The following UBR3 variants were observed in gnomAD, a reference collection of about 807,000 sequenced individuals.
UBR3 encodes the protein ubiquitin protein ligase E3 component n-recognin 3, also known as E3 ubiquitin-protein ligase UBR3.
UBR3 carries 85 observed loss-of-function variants against 243.2 expected under a neutral mutation model. The ratio of observed to expected loss-of-function variants is 0.35; its 90% confidence interval spans 0.29 to 0.42. The LOEUF is 0.42. Among genes scored for constraint, UBR3 ranks in the 10% least tolerant of loss-of-function variants. The pLI is 1.00. For synonymous variants in UBR3, 748 were observed against 799.8 expected, an observed-to-expected ratio of 0.94 and a Z score of 1.09; for missense variants, 1,686 against 2,300.8, an observed-to-expected ratio of 0.73 and a Z score of 5.47.
At chr2:169,875,713 GAATA>G (rs2083582152) in intron 2 of UBR3, 74 bp from the exon 3 acceptor site, 3 of 1,257,282 alleles carry the variant, frequency 2.4e-6, no homozygotes, top group Admixed American at 6.1e-5. Context: ...AATTTTAAAA[GAATA>G]AATACTGTTA....
At chr2:169,839,973 G>C (rs778935864) in intron 1 of UBR3, among the ~76,000 whole-genome samples, 1 of 152,288 alleles carries the variant, frequency 6.6e-6, no homozygotes, top group East Asian at 1.9e-4. Context: ...GGCAGAGTTA[G>C]GCCCACTGTC....
rs114701526 is a variant in UBR3 at position 170,064,457 on chromosome 2, T to C, written c.5019+3014T>C. On this transcript the variant is annotated intron_variant, in intron 35 of 38. Coordinates refer to ENST00000272793, the MANE Select transcript of UBR3 (RefSeq NM_172070.4). The stretch of plus-strand genomic sequence containing the variant: ...TTTCCACCCTAAAATTATAAATTTA[T>C]TTTGTATTTTCTTCTATTATTTTCA... Among the ~76,000 whole-genome samples, 241 of 152,178 alleles carry C rather than the reference T, an allele frequency of 1.6e-3. 1 individual carries two copies. Among genetic ancestry groups the C allele is most frequent in the Middle Eastern group, 6.8e-3 (2 of 294 alleles).
intron 32 of UBR3, among the ~76,000 whole-genome samples, chr2:170,045,614 A>C (rs1471313910): frequency 6.6e-6 from 1 of 152,196 alleles, no homozygotes; most frequent in East Asian, 1.9e-4. Flanking sequence ...TGAAGAAAGA[A>C]AATATCTCAG....
intron 22 of UBR3, 118 bp from the exon 23 acceptor site, chr2:169,949,486 TG>T: frequency 1.1e-6 from 1 of 920,632 alleles, no homozygotes. Context: ...GCAAATCTAT[TG>T]AATAAATCTT....
chr2:169,910,340 C>T (rs548368153), intron 10 of UBR3, among the ~76,000 whole-genome samples: 31 of 152,074 alleles, frequency 2.0e-4, no homozygotes, highest in African/African-American at 7.0e-4. Context: ...CCACGGAAGA[C>T]CGAGCCTCAG....
At chr2:170,044,168 G>A (rs1189645794) in intron 32 of UBR3, among the ~76,000 whole-genome samples, 1 of 151,924 alleles carries the variant, frequency 6.6e-6, no homozygotes, top group African/African-American at 2.4e-5. Flanking sequence ...GTCTTTATTG[G>A]GACAGTGTTA....
intron 38 of UBR3, 69 bp downstream of exon 38, chr2:170,080,753 C>T: frequency 2.0e-6 from 3 of 1,481,602 alleles, no homozygotes; most frequent in Middle Eastern, 1.8e-4. Flanking sequence ...TATGCTATTC[C>T]TGGCTTTGTA....
rs2085923855 is a variant in UBR3, at chr2:169,926,703, T to C, written c.2163T>C (p.Ser721=). The C allele has an allele frequency of 6.5e-7, 1 of 1,549,476 alleles. No individual in the cohort carries two copies. The highest frequency in any genetic ancestry group is 8.7e-7 in the Non-Finnish European group (1 of 1,146,268). Residue 721 remains serine, a synonymous_variant, in exon 15 of 39, where the codon TCT becomes TCC. Coordinates refer to ENST00000272793, the MANE Select transcript of UBR3 (RefSeq NM_172070.4). The part of the protein sequence containing the change: ...PDIYLLQVCA[S]RLDPDYFISS... Reference sequence around the variant, plus strand: ...GTTTTCTTTTAAAGGTTTGTGCTTCTAGACTTGACCCAGATTATTTTATTT... The same window carrying C: ...GTTTTCTTTTAAAGGTTTGTGCTTCCAGACTTGACCCAGATTATTTTATTT...
At chr2:169,964,242 A>C (rs1430862216) in intron 24 of UBR3, among the ~76,000 whole-genome samples, 1 of 152,164 alleles carries the variant, frequency 6.6e-6, no homozygotes, top group African/African-American at 2.4e-5. Context: ...AAGTTACTTA[A>C]GAGCAGTCCT....
intron 25 of UBR3, among the ~76,000 whole-genome samples, chr2:169,988,061 G>C (rs146407589): frequency 3.6e-4 from 55 of 152,314 alleles, no homozygotes; most frequent in Non-Finnish European, 6.6e-4. Context: ...GGACATTGAA[G>C]TAGAGCTGTC....
chr2:169,967,141 A>G (rs1013522334), intron 24 of UBR3, among the ~76,000 whole-genome samples: 1 of 152,182 alleles, frequency 6.6e-6, no homozygotes, highest in East Asian at 1.9e-4. Flanking sequence ...GAGGTTATAC[A>G]GTAGTAAGTG....
chr2:169,875,738 G>C, intron 2 of UBR3, 53 bp from the exon 3 acceptor site: 1 of 1,391,088 alleles, frequency 7.2e-7, no homozygotes, highest in Non-Finnish European at 9.5e-7. Flanking sequence ...TTTTTAGTAA[G>C]ATATTTTAAA....
intron 24 of UBR3, among the ~76,000 whole-genome samples, chr2:169,972,394 A>T: frequency 6.6e-6 from 1 of 152,120 alleles, no homozygotes; most frequent in Non-Finnish European, 1.5e-5. Context: ...AAAAGAGGGA[A>T]TCCTCCCTAA....
intron 11 of UBR3, among the ~76,000 whole-genome samples, chr2:169,923,297 C>G (rs1456071503): frequency 1.3e-5 from 2 of 152,176 alleles, no homozygotes; most frequent in African/African-American, 4.8e-5. Flanking sequence ...GGGATGTGGT[C>G]AGAGTCTTCT....
At chr2:170,077,577 CTTTCTCTTTCCTG>C in intron 36 of UBR3, 1 of 541,176 alleles carries the variant, frequency 1.8e-6, no homozygotes, top group Non-Finnish European at 3.3e-6. Flanking sequence ...ATGCCTGCGT[CTTTCTCTTTCCTG>C]TTGGAATAAC....
chr2:170,071,611 T>C (rs1012382345), intron 35 of UBR3, among the ~76,000 whole-genome samples: 8 of 152,218 alleles, frequency 5.3e-5, no homozygotes, highest in Non-Finnish European at 1.0e-4. Flanking sequence ...TGTGGATTTA[T>C]AGCTCAGTAA....
intron 35 of UBR3, among the ~76,000 whole-genome samples, chr2:170,071,185 C>T (rs556287558): frequency 6.6e-6 from 1 of 152,192 alleles, no homozygotes; most frequent in African/African-American, 2.4e-5. Context: ...AAATATTAAG[C>T]ATATGCTTAC....
At chr2:170,060,955 T>C (rs1013432591) in intron 33 of UBR3, 124 bp from the exon 34 acceptor site, 1 of 637,066 alleles carries the variant, frequency 1.6e-6, no homozygotes, top group African/African-American at 1.9e-5. Flanking sequence ...TTTTGAAGAA[T>C]TGAAGCTCAT....
intron 23 of UBR3, among the ~76,000 whole-genome samples, chr2:169,954,875 T>C (rs1159425711): frequency 6.6e-6 from 1 of 152,068 alleles, no homozygotes; most frequent in East Asian, 1.9e-4. Flanking sequence ...GCCCAGCCAG[T>C]AATATTTCTT....
Sources: allele counts gnomAD v4.1 joint callset (sites outside exome capture counted in the v4.1 genomes callset), GRCh38; gene constraint gnomAD v4.1.1; transcripts MANE v1.5; gene names NCBI Gene and HGNC (gene_info 2026-07-23, HGNC 2026-07-21).